The following EML6 variants were observed in gnomAD, a reference collection of about 807,000 sequenced individuals.
EML6 encodes the protein EMAP like 6.
EML6 carries 154 observed loss-of-function variants against 240.1 expected under a neutral mutation model. That is an observed-to-expected ratio of 0.64 (90% CI 0.56 to 0.73). The LOEUF is 0.73. Among genes scored for constraint, EML6 ranks in the 30% least tolerant of loss-of-function variants. EML6 has a pLI of 0.00. For missense variants in EML6, 2,964 were observed against 2,474.6 expected (o/e 1.20, Z -4.20); for synonymous variants, 1,148 against 899.0 (o/e 1.28, Z -4.95).
intron 2 of EML6, among the ~76,000 whole-genome samples, chr2:54,740,453 C>T (rs976847448): frequency 2.6e-5 from 4 of 152,060 alleles, no homozygotes; most frequent in African/African-American, 9.7e-5. Flanking sequence ...GTGGATTTAG[C>T]AATAAGAGGT....
Position 54,855,677 on chromosome 2 carries a change from C to T in EML6, c.1657+1822C>T, listed in dbSNP as rs528124917. Among the ~76,000 whole-genome samples, 3 of 152,282 alleles carry T rather than the reference C, an allele frequency of 2.0e-5. No homozygotes were observed. The South Asian group carries it at 6.2e-4, about 32-fold the overall frequency. On this transcript the variant is annotated intron_variant, in intron 11 of 41. Coordinates refer to ENST00000356458, the MANE Select transcript of EML6 (RefSeq NM_001039753.4). ...GTATGGTGAGAAGTAGCAAAACCCA[C>T]CTCAGCAACCCACAGACATATCCAT...
chr2:54,932,967 C>T lies in EML6; in HGVS notation c.4004+4216C>T, dbSNP rs1184365260. 2.0e-5 allele frequency among the ~76,000 whole-genome samples: 3 copies of T among 152,190 alleles called. No homozygotes were observed. In the East Asian group the frequency reaches 5.8e-4, roughly 29 times the overall value. ...AAAGGGGAACTTACTGGTTTACACA[C>T]CTAAGTATGCAGGAGTGGGGCAACT... On this transcript the variant is annotated intron_variant, in intron 28 of 41. Coordinates refer to ENST00000356458, the MANE Select transcript of EML6 (RefSeq NM_001039753.4).
rs998707736 is a variant in EML6, at chr2:54,774,256, G to A, written c.198-38976G>A. ...TGAGACGAAGTTCAGCTTGCAAAAT[G>A]TTTATTGGATCAGTAGTGATGGAAG... On this transcript the variant is annotated intron_variant, in intron 2 of 41. Coordinates refer to ENST00000356458, the MANE Select transcript of EML6 (RefSeq NM_001039753.4). The surrounding 1 kb of genome is among the most constrained non-coding windows in gnomAD (Gnocchi z 4.1). 6.6e-5 allele frequency among the ~76,000 whole-genome samples: 10 copies of A among 152,180 alleles called. No homozygotes were observed. Among genetic ancestry groups the A allele is most frequent in the African/African-American group, 2.4e-4 (10 of 41,438 alleles).
chr2:54,925,460 C>T (rs1002913712), intron 26 of EML6, among the ~76,000 whole-genome samples: 2 of 152,154 alleles, frequency 1.3e-5, no homozygotes, highest in African/African-American at 4.8e-5. Flanking sequence ...ATCTTATTAC[C>T]ACCACAGAGC....
intron 19 of EML6, 40 bp downstream of exon 19, chr2:54,892,696 T>C (rs1672538286): frequency 1.3e-6 from 2 of 1,491,776 alleles, no homozygotes; most frequent in East Asian, 4.9e-5. Flanking sequence ...CTCATCAGCC[T>C]TCTAAAATTA....
At chr2:54,811,094 T>C (rs1283789131) in intron 2 of EML6, among the ~76,000 whole-genome samples, 2 of 152,104 alleles carry the variant, frequency 1.3e-5, no homozygotes, top group Admixed American at 6.6e-5. Context: ...GACTCTTCTT[T>C]ATCCCCTCTA....
At chr2:54,861,928 T>C (rs1003234668) in intron 12 of EML6, among the ~76,000 whole-genome samples, 4 of 152,042 alleles carry the variant, frequency 2.6e-5, no homozygotes, top group African/African-American at 4.8e-5. Context: ...AAAATAATAG[T>C]CATAAAGACC....
At chr2:54,754,422 G>T (rs1250583862) in intron 2 of EML6, among the ~76,000 whole-genome samples, 3 of 152,146 alleles carry the variant, frequency 2.0e-5, no homozygotes, top group African/African-American at 7.2e-5. Context: ...TATTATGGCA[G>T]CAATAGGAAA....
At chr2:54,785,168 CACT>C (rs1235532525) in intron 2 of EML6, among the ~76,000 whole-genome samples, 4 of 117,512 alleles carry the variant, frequency 3.4e-5, no homozygotes, top group Non-Finnish European at 6.8e-5. Flanking sequence ...CCCACACACA[CACT>C]TTTTTTTTTT....
chr2:54,817,021 C>CT (rs1487818710), intron 4 of EML6, 136 bp downstream of exon 4: 8 of 595,474 alleles, frequency 1.3e-5, no homozygotes, highest in African/African-American at 1.3e-4. Flanking sequence ...TAATCATCCT[C>CT]TTTTTTCATG....
chr2:54,933,322 A>C (rs903186569), intron 28 of EML6, among the ~76,000 whole-genome samples: 2 of 151,944 alleles, frequency 1.3e-5, no homozygotes, highest in African/African-American at 4.8e-5. Flanking sequence ...TAATCACTTC[A>C]CCTCTCTGTA....
At chr2:54,816,669 A>G in intron 3 of EML6, 118 bp from the exon 4 acceptor site, 1 of 768,494 alleles carries the variant, frequency 1.3e-6, no homozygotes, top group South Asian at 1.7e-5. Context: ...GGGTTTTGAG[A>G]AATCGGTTTG....
At chr2:54,875,847 A>C (rs1029693112) in intron 16 of EML6, among the ~76,000 whole-genome samples, 15 of 152,202 alleles carry the variant, frequency 9.9e-5, no homozygotes, top group African/African-American at 3.6e-4. Flanking sequence ...AAGGTCAACC[A>C]CAGAAGTATT....
rs1419418598 is a variant in EML6 at position 54,895,270 on chromosome 2, C to G, written c.2855-3C>G. The G allele has an allele frequency of 1.2e-5, 19 of 1,551,446 alleles. No homozygotes were observed. Among genetic ancestry groups the G allele is most frequent in the Non-Finnish European group, 1.7e-5 (19 of 1,146,858 alleles). On this transcript the variant is annotated splice_region_variant and splice_polypyrimidine_tract_variant and intron_variant, in intron 20 of 41. Coordinates refer to ENST00000356458, the MANE Select transcript of EML6 (RefSeq NM_001039753.4). ...GTGTTAAATATACCATCCCCTTCCCCAGGCTTGCTTTTGGAAGATAACCCT... is the reference window on the plus strand; with the variant it reads ...GTGTTAAATATACCATCCCCTTCCCGAGGCTTGCTTTTGGAAGATAACCCT...
At chr2:54,871,422 C>T in intron 15 of EML6, 78 bp from the exon 16 acceptor site, 1 of 1,050,048 alleles carries the variant, frequency 9.5e-7, no homozygotes. Context: ...GGTTTCTGAG[C>T]AGTGTTGGAC....
intron 4 of EML6, among the ~76,000 whole-genome samples, chr2:54,818,109 T>C (rs1668160007): frequency 1.3e-5 from 2 of 152,190 alleles, no homozygotes; most frequent in East Asian, 1.9e-4. Context: ...TAGTCTGACC[T>C]GAACTAGTAT....
At chr2:54,870,231 T>G (rs955116461) in intron 15 of EML6, among the ~76,000 whole-genome samples, 2 of 152,098 alleles carry the variant, frequency 1.3e-5, no homozygotes, top group African/African-American at 4.8e-5. Flanking sequence ...TAACCTGGGG[T>G]TCATGAAATC....
intron 12 of EML6, among the ~76,000 whole-genome samples, chr2:54,860,314 A>G (rs1180047905): frequency 6.6e-6 from 1 of 152,188 alleles, no homozygotes; most frequent in Non-Finnish European, 1.5e-5. Context: ...ACCATGGGAA[A>G]GAAGCCTCGG....
chr2:54,816,815 A>G lies in EML6; in HGVS notation c.386A>G (p.Lys129Arg). 1.3e-6 allele frequency: 2 copies of G among 1,551,546 alleles called. No individual in the cohort carries two copies. Among genetic ancestry groups the G allele is most frequent in the Non-Finnish European group, 1.7e-6 (2 of 1,146,876 alleles). Residue 129 changes from lysine to arginine, a missense_variant, in exon 4 of 42, where the codon AAA becomes AGA. Transcript: ENST00000356458. ...TTAGCCTCTGTGGGGTTGGATGCCAAAAACACAGTCTGCATTTGGGACTGG... is the reference window on the plus strand; with the variant it reads ...TTAGCCTCTGTGGGGTTGGATGCCAGAAACACAGTCTGCATTTGGGACTGG... ...QRLASVGLDAKNTVCIWDWRK... is the reference protein window; with the variant it reads ...QRLASVGLDARNTVCIWDWRK...
Sources: allele counts gnomAD v4.1 joint callset (sites outside exome capture counted in the v4.1 genomes callset), GRCh38; gene constraint gnomAD v4.1.1; non-coding constraint Gnocchi (gnomAD v3.1); transcripts MANE v1.5; gene names NCBI Gene and HGNC (gene_info 2026-07-23, HGNC 2026-07-21).